VILL: variants seen among roughly 807,000 people sequenced by gnomAD.
VILL encodes villin-like protein.
Under a neutral mutation model 106.3 loss-of-function variants are expected in VILL, and 102 were observed. The observed-to-expected ratio is 0.96, with a 90% CI of 0.82 to 1.13. The LOEUF (loss-of-function observed/expected upper bound fraction) is 1.13, where lower values mean the gene tolerates loss of function less well. Ranked by LOEUF, VILL falls within the 50% of genes most tolerant of loss-of-function variation. The pLI is 0.00. For missense variants in VILL, 1,076 were observed against 1,116.6 expected, an observed-to-expected ratio of 0.96 and a Z score of 0.52; for synonymous variants, 431 against 440.3, an observed-to-expected ratio of 0.98 and a Z score of 0.27.
At chr3:38,004,519 C>T in intron 16 of VILL, 120 bp downstream of exon 16, 1 of 1,342,190 alleles carries the variant, frequency 7.5e-7, no homozygotes, top group Non-Finnish European at 1.0e-6. Flanking sequence ...TGAGTCTGAC[C>T]CTGTCACTGA....
In VILL at chr3:38,004,330, A is replaced by C. The variant is rs978835197; in HGVS notation, c.1881A>C (p.Ala627=). ...CSSHMGCLVL[A]EVGFFSQEDL... Reference sequence around the variant, plus strand: ...GCCACATGGGCTGCCTGGTCCTCGCAGAAGTGGGGTTCTTCAGCCAGGAGG... The same window carrying C: ...GCCACATGGGCTGCCTGGTCCTCGCCGAAGTGGGGTTCTTCAGCCAGGAGG... Residue 627 remains alanine, a synonymous_variant, in exon 16 of 20, where the codon GCA becomes GCC. Transcript: ENST00000383759. 6.2e-7 allele frequency: 1 copy of C among 1,613,836 alleles called. No individual in the cohort carries two copies. The highest frequency in any genetic ancestry group is 1.1e-5 in the South Asian group (1 of 91,040).
chr3:38,001,488 C>T lies in VILL; in HGVS notation c.1215C>T (p.Pro405=), dbSNP rs199699027. 44 of 1,614,206 alleles carry T rather than the reference C, an allele frequency of 2.7e-5. No individual in the cohort carries two copies. The highest frequency in any genetic ancestry group is 1.2e-4 in the South Asian group (11 of 91,088). The change falls in exon 12 of 20, where the codon CCC becomes CCT. Residue 405 remains proline, a synonymous_variant. Coordinates refer to ENST00000383759, the MANE Select transcript of VILL (RefSeq NM_015873.4). ...VWCIQDLHRQ[P]VDPKRHGQLC... ...GCATCCAGGACTTACACAGGCAGCCCGTGGACCCCAAGCGTCATGGACAGC... is the reference window on the plus strand; with the variant it reads ...GCATCCAGGACTTACACAGGCAGCCTGTGGACCCCAAGCGTCATGGACAGC...
intron 10 of VILL, 103 bp from the exon 11 acceptor site, chr3:37,999,234 CGG>C (rs1699768433): frequency 9.8e-7 from 1 of 1,025,408 alleles, no homozygotes; most frequent in Non-Finnish European, 1.3e-6. Context: ...GCGGAGGACG[CGG>C]CGGGACCTGG....
At chr3:37,995,094 C>G (rs1022392695) in intron 4 of VILL, among the ~76,000 whole-genome samples, 2 of 152,118 alleles carry the variant, frequency 1.3e-5, no homozygotes, top group Non-Finnish European at 2.9e-5. Context: ...TTTTCATTTC[C>G]CTTGGTATAT....
Position 38,001,698 on chromosome 3 carries a change from G to A in VILL, c.1321-4G>A. 6.2e-7 allele frequency: 1 copy of A among 1,614,138 alleles called. No individual in the cohort carries two copies. Among genetic ancestry groups the A allele is most frequent in the Non-Finnish European group, 8.5e-7 (1 of 1,179,970 alleles). On this transcript the variant is annotated splice_region_variant and splice_polypyrimidine_tract_variant and intron_variant, in intron 12 of 19. Coordinates refer to ENST00000383759, the MANE Select transcript of VILL (RefSeq NM_015873.4). ...AGGCCCTCACTCACTGCCCCCACCT[G>A]CAGGGCCACCAGGCCACTGCGGATG...
chr3:37,988,793 C>T (rs1364981448), upstream of VILL, among the ~76,000 whole-genome samples: 5 of 152,100 alleles, frequency 3.3e-5, no homozygotes, highest in African/African-American at 1.2e-4. Context: ...ACCCGGGAGG[C>T]GGAGGCTGCA....
upstream of VILL, chr3:37,990,747 G>C (rs528089337): frequency 6.5e-6 from 1 of 152,750 alleles, no homozygotes; most frequent in South Asian, 2.1e-4. The surrounding 1 kb of genome is among the most constrained non-coding windows in gnomAD (Gnocchi z 5.1). Context: ...TGGGGACCAG[G>C]AGTAGGGAGG....
rs1480053297 is a variant in VILL at position 37,997,580 on chromosome 3, T to C, written c.659T>C (p.Met220Thr). 6.2e-7 allele frequency: 1 copy of C among 1,614,036 alleles called. No homozygotes were observed. Among genetic ancestry groups the C allele is most frequent in the East Asian group, 2.2e-5 (1 of 44,870 alleles). ...VDDEAKAPDL[M>T]QIMEAVLGRR... ...GATGAGGCCAAAGCCCCGGACCTCA[T>C]GCAGATCATGGAGGCTGTGCTGGGC... is the stretch of plus-strand genomic sequence containing the variant. Residue 220 changes from methionine to threonine, a missense_variant, in exon 7 of 20, where the codon ATG becomes ACG. Met to Thr is a moderately conservative substitution (Grantham distance 81, BLOSUM62 -1). Coordinates refer to ENST00000383759, the MANE Select transcript of VILL (RefSeq NM_015873.4). This position sits in a 1 kb window ranked among gnomAD's most constrained non-coding sequence, Gnocchi z 4.7.
Position 37,997,814 on chromosome 3 carries a change from G to A in VILL, c.764+129G>A. 1.9e-6 allele frequency: 2 copies of A among 1,079,770 alleles called. No homozygotes were observed. The highest frequency in any genetic ancestry group is 1.5e-5 in the South Asian group (1 of 64,718). The allele number at this position is 1,079,770 out of a possible 1,614,324, so 66.9% of individuals were successfully genotyped here. A position where few individuals can be genotyped will look rare whatever the true frequency, so the allele number is the denominator to read the frequency against. ...CTGCTGGGTTTCTGGGACAGGTCAT[G>A]TGGACCGTGGGTCCAGCCTGTACTC... On this transcript the variant is annotated intron_variant, in intron 7 of 19. Transcript: ENST00000383759. This position sits in a 1 kb window ranked among gnomAD's most constrained non-coding sequence, Gnocchi z 4.7.
intron 16 of VILL, among the ~76,000 whole-genome samples, 175 bp downstream of exon 16, chr3:38,004,574 C>T (rs1466189494): frequency 6.6e-6 from 1 of 152,152 alleles, no homozygotes; most frequent in Non-Finnish European, 1.5e-5. Context: ...GAGTGTGCAT[C>T]ACCAGGTGGC....
chr3:37,989,371 T>A (rs1287200763), upstream of VILL, among the ~76,000 whole-genome samples: 1 of 152,152 alleles, frequency 6.6e-6, no homozygotes, highest in African/African-American at 2.4e-5. Flanking sequence ...GTTTCCATGC[T>A]ATTTGCAGCC....
chr3:38,006,247 A>C lies in VILL; in HGVS notation c.2200A>C (p.Thr734Pro). 3.1e-6 allele frequency: 5 copies of C among 1,614,170 alleles called. No individual in the cohort carries two copies. The highest frequency in any genetic ancestry group is 4.2e-6 in the Non-Finnish European group (5 of 1,180,016). The change falls in exon 18 of 20, where the codon ACA (threonine) becomes CCA (proline). Residue 734 changes from threonine to proline, a missense_variant. Transcript: ENST00000383759. Reference protein sequence around the residue: ...PAAASTISEITAEVNNLRLSR... With the variant: ...PAAASTISEIPAEVNNLRLSR... The stretch of plus-strand genomic sequence containing the variant: ...AGCAGCATCAACCATCTCTGAGATA[A>C]CAGCAGTGAGTCCTGGGGCCCCTAG...
chr3:37,993,773 G>C (rs1477603294), intron 2 of VILL, 41 bp downstream of exon 2: 2 of 1,609,652 alleles, frequency 1.2e-6, no homozygotes, highest in Admixed American at 1.7e-5. Context: ...TGACATGGAA[G>C]AGCGTGGGGT....
intron 4 of VILL, among the ~76,000 whole-genome samples, chr3:37,995,530 G>A (rs1699684935): frequency 6.6e-6 from 1 of 152,234 alleles, no homozygotes; most frequent in Non-Finnish European, 1.5e-5. Context: ...ACTACGCATG[G>A]AAGTGCACTA....
At position 37,998,119 on chromosome 3, in the gene VILL, T is replaced by A; in HGVS notation, c.794T>A (p.Val265Asp). ...HVYEKGKDLVVLELATPPLTQ... is the reference protein window; with the variant it reads ...HVYEKGKDLVDLELATPPLTQ... The stretch of plus-strand genomic sequence containing the variant: ...TATGAGAAGGGCAAAGACCTGGTGG[T>A]CCTGGAGTTGGCGACCCCCCCACTG... The change falls in exon 8 of 20, where the codon GTC (valine) becomes GAC (aspartate). Residue 265 changes from valine (V) to aspartate (D), a missense_variant. Physicochemically the swap from Val to Asp is radical, Grantham distance 152. Coordinates refer to ENST00000383759, the MANE Select transcript of VILL (RefSeq NM_015873.4). The surrounding 1 kb of genome is among the most constrained non-coding windows in gnomAD (Gnocchi z 4.1). 1 of 1,613,180 alleles carries A rather than the reference T, an allele frequency of 6.2e-7. No homozygotes were observed. The highest frequency in any genetic ancestry group is 8.5e-7 in the Non-Finnish European group (1 of 1,179,626).
chr3:38,007,101 C>T lies in VILL; in HGVS notation c.*46C>T, dbSNP rs1699950099. ...CCCTATCCCCTGGACCCCAACATAC[C>T]TACAATGCTGGGGAGGCCCTGCTTC... On this transcript the variant is annotated 3_prime_UTR_variant, in exon 20 of 20. Coordinates refer to ENST00000383759, the MANE Select transcript of VILL (RefSeq NM_015873.4). The T allele has an allele frequency of 2.7e-6, 4 of 1,483,626 alleles. No homozygotes were observed. The highest frequency in any genetic ancestry group is 3.8e-6 in the Non-Finnish European group (4 of 1,064,578). 91.9% of individuals were successfully genotyped at this position (1,483,626 alleles called of 1,614,324 possible).
Position 37,990,849 on chromosome 3 carries a change from TG to T in VILL, c.-87+26del. The T allele has an allele frequency of 6.6e-6, 1 of 152,374 alleles. No homozygotes were observed. The highest frequency in any genetic ancestry group is 1.5e-5 in the Non-Finnish European group (1 of 68,318). 9.4% of individuals were successfully genotyped at this position (152,374 alleles called of 1,614,324 possible). On this transcript the variant is annotated intron_variant, in intron 1 of 19. Transcript: ENST00000383759. This position sits in a 1 kb window ranked among gnomAD's most constrained non-coding sequence, Gnocchi z 5.1. ...CAGCAGGTAGGCCTGGGCAGAGAGT[TG>T]GGGGGCGGGGGTTTCCAGGGAACCA...
rs188409505 is a variant in VILL at position 37,992,745 on chromosome 3, G to A, written c.-86-842G>A. 1.9e-3 allele frequency among the ~76,000 whole-genome samples: 289 copies of A among 152,202 alleles called. 1 individual carries two copies. The highest frequency in any genetic ancestry group is 2.7e-3 in the Non-Finnish European group (184 of 68,010). On this transcript the variant is annotated intron_variant, in intron 1 of 19. Coordinates refer to ENST00000383759, the MANE Select transcript of VILL (RefSeq NM_015873.4). ...GCTCCCCTGCCCCACAGCCTCCTCCGCTCCCACATTTCTTTGGCTACATGT... is the reference window on the plus strand; with the variant it reads ...GCTCCCCTGCCCCACAGCCTCCTCCACTCCCACATTTCTTTGGCTACATGT...
At position 37,998,172 on chromosome 3, in the gene VILL, A is replaced by C; in HGVS notation, c.843+4A>C. ...CCAGGACCTGCTGCAGGAGGAGGTG[A>C]GGAAGGCCTGGCCCCAGCTACTTGC... On this transcript the variant is annotated splice_donor_region_variant and intron_variant, in intron 8 of 19. Coordinates refer to ENST00000383759, the MANE Select transcript of VILL (RefSeq NM_015873.4). This position sits in a 1 kb window ranked among gnomAD's most constrained non-coding sequence, Gnocchi z 4.1. 1 of 1,613,960 alleles carries C rather than the reference A, an allele frequency of 6.2e-7. No homozygotes were observed.
Sources: gnomAD v4.1 joint callset for allele counts (sites outside exome capture counted in the v4.1 genomes callset) on GRCh38, gnomAD v4.1.1 for gene constraint, Gnocchi (gnomAD v3.1) non-coding constraint, MANE v1.5 for transcripts, NCBI Gene and HGNC (gene_info 2026-07-23, HGNC 2026-07-21) for gene names.